The following DAB1 variants were observed in gnomAD, a reference collection of about 807,000 sequenced individuals.
The protein encoded by DAB1 is disabled homolog 1.
Under a neutral mutation model 64.6 loss-of-function variants are expected in DAB1, and 15 were observed. That is an observed-to-expected ratio of 0.23 (90% CI 0.16 to 0.36). The LOEUF is 0.36. DAB1 is among the 10% of genes least tolerant of loss of function. The pLI is 1.00. For synonymous variants in DAB1, 235 were observed against 251.9 expected (o/e 0.93, Z 0.64); for missense variants, 596 against 706.7 (o/e 0.84, Z 1.78).
intron 5 of DAB1, among the ~76,000 whole-genome samples, chr1:57,980,344 C>T (rs947241459): frequency 3.3e-5 from 5 of 152,086 alleles, no homozygotes; most frequent in Non-Finnish European, 7.4e-5. Flanking sequence ...ACCCCAATAT[C>T]TAAGGTCTAG....
intron 2 of DAB1, among the ~76,000 whole-genome samples, chr1:57,205,116 T>C (rs1483638672): frequency 1.3e-5 from 2 of 152,192 alleles, no homozygotes; most frequent in Non-Finnish European, 2.9e-5. Context: ...TCTCTTATTA[T>C]TGCAGCATTC....
chr1:57,978,640 T>C lies in DAB1; in HGVS notation n.388-94478A>G, dbSNP rs906128193. Among the ~76,000 whole-genome samples, 13 of 151,956 alleles carry C rather than the reference T, an allele frequency of 8.6e-5. No homozygotes were observed. In the South Asian group the frequency reaches 1.2e-3, roughly 15 times the overall value. On this transcript the variant is annotated intron_variant and non_coding_transcript_variant, in intron 5 of 20. Transcript: ENST00000485760. ...CAGAGTCAACAGGCAACCTACAAAATGGGAGAAAAATTTTGCAATCTATCC... is the reference window on the plus strand; with the variant it reads ...CAGAGTCAACAGGCAACCTACAAAACGGGAGAAAAATTTTGCAATCTATCC...
chr1:58,282,172 TTAAG>T (rs2100440772), intron 4 of DAB1, among the ~76,000 whole-genome samples: 1 of 152,336 alleles, frequency 6.6e-6, no homozygotes, highest in African/African-American at 2.4e-5. Context: ...CACTTTTATC[TTAAG>T]TGTTTCTTCC....
intron 6 of DAB1, among the ~76,000 whole-genome samples, chr1:57,788,502 GTGGTTTCCAGGAAC>G (rs1205037078): frequency 6.6e-6 from 1 of 152,198 alleles, no homozygotes; most frequent in Non-Finnish European, 1.5e-5. Flanking sequence ...AATCAAATTA[GTGGTTTCCAGGAAC>G]TGGAGGTCAG....
chr1:57,752,386 A>G (rs777764047), intron 6 of DAB1, among the ~76,000 whole-genome samples: 2 of 152,162 alleles, frequency 1.3e-5, no homozygotes, highest in East Asian at 1.9e-4. Context: ...TCAGGTCCCA[A>G]ATGGGATATT....
chr1:57,143,334 T>C (rs1490231598), intron 3 of DAB1, among the ~76,000 whole-genome samples: 1 of 152,304 alleles, frequency 6.6e-6, no homozygotes, highest in African/African-American at 2.4e-5. Context: ...AAGCTAGAGT[T>C]TGGAATTCTT....
intron 3 of DAB1, among the ~76,000 whole-genome samples, chr1:58,493,386 T>C (rs1335457952): frequency 4.6e-5 from 7 of 152,092 alleles, no homozygotes. Context: ...TCACCACTCC[T>C]ATTCAACATA....
chr1:57,734,235 T>C (rs1304319185), intron 6 of DAB1, among the ~76,000 whole-genome samples: 1 of 152,190 alleles, frequency 6.6e-6, no homozygotes, highest in Non-Finnish European at 1.5e-5. Context: ...AACCCAGCTA[T>C]TCAAATGGGG....
intron 4 of DAB1, among the ~76,000 whole-genome samples, chr1:57,112,217 G>A (rs1655724241): frequency 1.3e-5 from 2 of 152,162 alleles, no homozygotes; most frequent in Non-Finnish European, 2.9e-5. Flanking sequence ...GAGACTAAGA[G>A]CATAGAATAG....
At chr1:57,350,845 G>A (rs567990928) in intron 1 of DAB1, among the ~76,000 whole-genome samples, 7 of 152,280 alleles carry the variant, frequency 4.6e-5, no homozygotes, top group Admixed American at 2.0e-4. Flanking sequence ...CAGCCTGTGC[G>A]TTTGTAAGAT....
intron 1 of DAB1, among the ~76,000 whole-genome samples, chr1:57,295,918 G>A (rs1323960914): frequency 6.6e-6 from 1 of 152,050 alleles, no homozygotes; most frequent in Non-Finnish European, 1.5e-5. Context: ...TATGTTAAAT[G>A]GGCATCATAA....
chr1:57,802,271 G>C (rs1174531632), intron 6 of DAB1, among the ~76,000 whole-genome samples: 1 of 152,188 alleles, frequency 6.6e-6, no homozygotes, highest in Non-Finnish European at 1.5e-5. Context: ...TTGGTAGAAA[G>C]ACCAATATAG....
At chr1:58,000,283 A>T (rs1358020896) in intron 5 of DAB1, among the ~76,000 whole-genome samples, 2 of 152,342 alleles carry the variant, frequency 1.3e-5, no homozygotes, top group East Asian at 3.9e-4. Context: ...TTTCAAAAGC[A>T]TGTTGTCCTC....
intron 3 of DAB1, among the ~76,000 whole-genome samples, chr1:58,392,987 C>A (rs1048398903): frequency 6.6e-6 from 1 of 152,126 alleles, no homozygotes; most frequent in Non-Finnish European, 1.5e-5. Flanking sequence ...ATGTTGGGAT[C>A]GGTCAGAGTT....
At chr1:58,276,523 TA>T (rs2100434865) in intron 4 of DAB1, among the ~76,000 whole-genome samples, 1 of 152,240 alleles carries the variant, frequency 6.6e-6, no homozygotes, top group South Asian at 2.1e-4. Context: ...GCAGTGTGTG[TA>T]AAGCATATGG....
intron 5 of DAB1, among the ~76,000 whole-genome samples, chr1:58,082,486 G>C (rs1570327724): frequency 6.6e-6 from 1 of 151,942 alleles, no homozygotes; most frequent in Admixed American, 6.6e-5. Context: ...TCTCGTGAAA[G>C]AGATGACATA....
At chr1:58,306,650 C>T (rs867337143) in intron 4 of DAB1, among the ~76,000 whole-genome samples, 1 of 152,114 alleles carries the variant, frequency 6.6e-6, no homozygotes, top group Non-Finnish European at 1.5e-5. Context: ...CCACCTCCAC[C>T]CAATGGGGAA....
chr1:57,840,494 G>A (rs567572749), intron 1 of DAB1, among the ~76,000 whole-genome samples: 1 of 152,044 alleles, frequency 6.6e-6, no homozygotes, highest in Non-Finnish European at 1.5e-5. Flanking sequence ...TATCTAACCA[G>A]GGTATTAGTC....
intron 1 of DAB1, chr1:58,542,639 CT>C (rs1172782769): frequency 6.6e-6 from 1 of 152,152 alleles, no homozygotes; most frequent in Non-Finnish European, 1.5e-5. Context: ...GTAAAGTCTT[CT>C]TCTAGAAGTC....
Sources: gnomAD v4.1 joint callset for allele counts (sites outside exome capture counted in the v4.1 genomes callset) on GRCh38, gnomAD v4.1.1 for gene constraint, MANE v1.5 for transcripts, NCBI Gene and HGNC (gene_info 2026-07-23, HGNC 2026-07-21) for gene names.